NCKAP5: variants seen among roughly 807,000 people sequenced by gnomAD.
NCKAP5 encodes the protein nck-associated protein 5.
NCKAP5 carries 92 observed loss-of-function variants against 167.0 expected under a neutral mutation model. That is an observed-to-expected ratio of 0.55 (90% CI 0.47 to 0.66). The LOEUF (loss-of-function observed/expected upper bound fraction) is 0.66. Among genes scored for constraint, NCKAP5 ranks in the 30% least tolerant of loss-of-function variants. The pLI is 0.00. For missense variants in NCKAP5, 2,378 were observed against 2,315.0 expected, an observed-to-expected ratio of 1.03 and a Z score of -0.56; for synonymous variants, 891 against 877.4, an observed-to-expected ratio of 1.02 and a Z score of -0.27.
chr2:133,244,294 T>C (rs1214269250), intron 4 of NCKAP5, among the ~76,000 whole-genome samples: 1 of 152,184 alleles, frequency 6.6e-6, no homozygotes, highest in Non-Finnish European at 1.5e-5. Flanking sequence ...CTTTGTAAGA[T>C]CCTCCCTAAA....
At chr2:133,013,446 G>A (rs986355358) in intron 6 of NCKAP5, among the ~76,000 whole-genome samples, 5 of 152,192 alleles carry the variant, frequency 3.3e-5, no homozygotes, top group South Asian at 4.1e-4. Context: ...TGAAAGGCAC[G>A]TTTCACATGA....
At chr2:132,998,766 T>C (rs1028396685) in intron 6 of NCKAP5, among the ~76,000 whole-genome samples, 6 of 152,202 alleles carry the variant, frequency 3.9e-5, no homozygotes, top group African/African-American at 1.4e-4. Context: ...CAGCACATAG[T>C]ACAGTTCCAC....
intron 12 of NCKAP5, among the ~76,000 whole-genome samples, chr2:132,791,908 C>T (rs924653049): frequency 2.6e-5 from 4 of 152,170 alleles, no homozygotes; most frequent in African/African-American, 9.7e-5. Context: ...AGCAGCCCTG[C>T]CCACTCATGT....
intron 9 of NCKAP5, among the ~76,000 whole-genome samples, chr2:132,874,653 A>C (rs550712711): frequency 6.6e-6 from 1 of 152,246 alleles, no homozygotes; most frequent in South Asian, 2.1e-4. Context: ...AAAATAACTC[A>C]ACTCCACCGT....
chr2:133,174,181 T>C (rs1372699843), intron 5 of NCKAP5, among the ~76,000 whole-genome samples: 1 of 152,216 alleles, frequency 6.6e-6, no homozygotes, highest in Non-Finnish European at 1.5e-5. Flanking sequence ...TTGACTTTTA[T>C]GACCTTGATA....
At chr2:133,050,518 T>G (rs1057239891) in intron 6 of NCKAP5, among the ~76,000 whole-genome samples, 5 of 152,128 alleles carry the variant, frequency 3.3e-5, no homozygotes, top group African/African-American at 1.2e-4. Flanking sequence ...ATGAAAACCA[T>G]GAAAAGATGA....
At chr2:132,884,328 C>T (rs1692040996) in intron 8 of NCKAP5, among the ~76,000 whole-genome samples, 1 of 152,200 alleles carries the variant, frequency 6.6e-6, no homozygotes, top group South Asian at 2.1e-4. Flanking sequence ...ACTAAACTGA[C>T]TTTGCTGTTC....
At chr2:133,571,133 G>C (rs906747848), upstream of NCKAP5, among the ~76,000 whole-genome samples, 1 of 152,094 alleles carries the variant, frequency 6.6e-6, no homozygotes, top group Non-Finnish European at 1.5e-5. Flanking sequence ...ACTTCATAGT[G>C]AGAAGATATC....
At chr2:132,694,843 G>A (rs1200984859) in intron 19 of NCKAP5, among the ~76,000 whole-genome samples, 4 of 152,176 alleles carry the variant, frequency 2.6e-5, no homozygotes, top group Non-Finnish European at 5.9e-5. Flanking sequence ...GGTAAAGGCC[G>A]AGCTTAGTCG....
intron 3 of NCKAP5, 129 bp from the exon 4 acceptor site, chr2:133,303,239 C>T: frequency 1.6e-6 from 1 of 644,750 alleles, no homozygotes; most frequent in East Asian, 2.8e-5. Flanking sequence ...TTCTAGGATT[C>T]TCTGCTTCTA....
intron 6 of NCKAP5, among the ~76,000 whole-genome samples, chr2:133,080,830 C>G (rs2080778946): frequency 6.6e-6 from 1 of 151,780 alleles, no homozygotes; most frequent in Non-Finnish European, 1.5e-5. Context: ...ATGAAGTGAA[C>G]AAGTAGTGAA....
rs181398065 is a variant in NCKAP5, at chr2:133,352,239, G to A, written c.70-49129C>T. Among the ~76,000 whole-genome samples, 137 of 152,066 alleles carry A rather than the reference G, an allele frequency of 9.0e-4. 1 individual carries two copies. The highest frequency in any genetic ancestry group is 1.4e-3 in the Non-Finnish European group (93 of 68,010). ...CTTTCATTACCTTCTATACATTTTC[G>A]TTATATTCTTGATAGCCCAACTCCC... On this transcript the variant is annotated intron_variant, in intron 3 of 19. Coordinates refer to ENST00000409261, the MANE Select transcript of NCKAP5 (RefSeq NM_207363.3).
intron 3 of NCKAP5, 105 bp downstream of exon 3, chr2:133,517,353 C>T (rs1684087582): frequency 1.9e-6 from 1 of 512,892 alleles, no homozygotes; most frequent in African/African-American, 2.0e-5. Context: ...AATGGTGTAA[C>T]TGGAAGAGAG....
chr2:133,243,619 C>G (rs2087832986), intron 4 of NCKAP5, among the ~76,000 whole-genome samples: 1 of 152,184 alleles, frequency 6.6e-6, no homozygotes, highest in African/African-American at 2.4e-5. Context: ...TTCAACTAAT[C>G]TAAGCCCTCT....
intron 6 of NCKAP5, among the ~76,000 whole-genome samples, chr2:133,067,120 C>T (rs545581474): frequency 6.6e-6 from 1 of 152,152 alleles, no homozygotes; most frequent in East Asian, 1.9e-4. Flanking sequence ...CCGCCTCAGC[C>T]TCTCAAAGTG....
intron 6 of NCKAP5, among the ~76,000 whole-genome samples, chr2:133,052,268 A>T (rs2149488251): frequency 6.6e-6 from 1 of 152,312 alleles, no homozygotes; most frequent in African/African-American, 2.4e-5. Context: ...ACGTAACAGA[A>T]CTCATACTCT....
chr2:132,907,726 T>C (rs946313634), intron 8 of NCKAP5, among the ~76,000 whole-genome samples: 21 of 152,070 alleles, frequency 1.4e-4, no homozygotes, highest in African/African-American at 5.1e-4. Flanking sequence ...GGCACGATCT[T>C]GGCTCACTGC....
chr2:133,594,899 TTC>T, the NCKAP5 span, among the ~76,000 whole-genome samples: 1 of 152,108 alleles, frequency 6.6e-6, no homozygotes, highest in African/African-American at 2.4e-5. Flanking sequence ...CATTCATTCA[TTC>T]ATTCGACAAA....
intron 7 of NCKAP5, among the ~76,000 whole-genome samples, chr2:132,975,720 A>C (rs2076959411): frequency 6.6e-6 from 1 of 152,198 alleles, no homozygotes; most frequent in Non-Finnish European, 1.5e-5. Flanking sequence ...AACAGAAAGT[A>C]AGAATGCCAT....
Sources: allele counts gnomAD v4.1 joint callset (sites outside exome capture counted in the v4.1 genomes callset), GRCh38; gene constraint gnomAD v4.1.1; transcripts MANE v1.5; gene names NCBI Gene and HGNC (gene_info 2026-07-23, HGNC 2026-07-21).